Variants in MAP4K5 observed in about 807,000 individuals in gnomAD.
MAP4K5 encodes the protein mitogen-activated protein kinase kinase kinase kinase 5, also known as MAPK/ERK kinase kinase kinase 5.
In MAP4K5, 82 loss-of-function variants were observed where a neutral mutation model predicts 135.6. The observed-to-expected ratio is 0.60, with a 90% CI of 0.51 to 0.73. The LOEUF (loss-of-function observed/expected upper bound fraction) is 0.73, where lower values mean the gene tolerates loss of function less well. Among genes scored for constraint, MAP4K5 ranks in the 30% least tolerant of loss-of-function variants. The pLI is 0.00. For missense variants in MAP4K5, 907 were observed against 1,010.9 expected (o/e 0.90, Z 1.39); for synonymous variants, 347 against 335.0 (o/e 1.04, Z -0.39).
chr14:50,464,182 C>A, intron 11 of MAP4K5, 49 bp from the exon 12 acceptor site: 1 of 892,212 alleles, frequency 1.1e-6, no homozygotes, highest in South Asian at 1.5e-5. Context: ...TATTACGTTT[C>A]GGTGTTAGTA....
chr14:50,560,207 C>G, intron 1 of MAP4K5: 1 of 1,605,294 alleles, frequency 6.2e-7, no homozygotes, highest in Non-Finnish European at 8.5e-7. Context: ...AACCTGCGGC[C>G]CCGGAGAAGG....
At chr14:50,528,307 G>C (rs979969442) in intron 2 of MAP4K5, among the ~76,000 whole-genome samples, 1 of 151,528 alleles carries the variant, frequency 6.6e-6, no homozygotes. Flanking sequence ...AAGCTTCAGA[G>C]GGGATCTGTG....
chr14:50,446,070 G>A lies in MAP4K5; in HGVS notation c.1185+9C>T. The stretch of plus-strand genomic sequence containing the variant: ...AGGATTTAGTGTTCAAAATCATTAA[G>A]TAGCTCACCTTAGGAGGTAGGGGAG... On this transcript the variant is annotated intron_variant, in intron 17 of 32. Transcript: ENST00000682126. 1 of 1,529,844 alleles carries A rather than the reference G, an allele frequency of 6.5e-7. No homozygotes were observed. The highest frequency in any genetic ancestry group is 1.3e-5 in the South Asian group (1 of 76,704). 94.8% of individuals were successfully genotyped at this position (1,529,844 alleles called of 1,614,324 possible).
intron 32 of MAP4K5, among the ~76,000 whole-genome samples, chr14:50,421,795 A>G (rs2035738996): frequency 6.6e-6 from 1 of 152,032 alleles, no homozygotes; most frequent in Non-Finnish European, 1.5e-5. Flanking sequence ...CAACCCAGAG[A>G]AACGGCCTCT....
chr14:50,449,940 G>A (rs75132774), intron 14 of MAP4K5: 1 of 100,144 alleles, frequency 1.0e-5, no homozygotes, highest in African/African-American at 2.9e-5. Flanking sequence ...TTACTTTTTT[G>A]TTGTTGTTGT....
At chr14:50,451,578 T>A (rs2036486247) in intron 14 of MAP4K5, among the ~76,000 whole-genome samples, 1 of 152,044 alleles carries the variant, frequency 6.6e-6, no homozygotes. Flanking sequence ...TATCTTTTTT[T>A]AAAAACTGAG....
intron 23 of MAP4K5, 88 bp downstream of exon 23, chr14:50,439,925 G>T: frequency 8.1e-7 from 1 of 1,238,506 alleles, no homozygotes; most frequent in Non-Finnish European, 1.1e-6. Flanking sequence ...TAGTCATCCA[G>T]AATTACAAAT....
At chr14:50,423,737 C>A (rs1228471853) in intron 31 of MAP4K5, among the ~76,000 whole-genome samples, 2 of 152,120 alleles carry the variant, frequency 1.3e-5, no homozygotes, top group African/African-American at 2.4e-5. Context: ...CCACTGCATT[C>A]CAGCTTGGGC....
At chr14:50,486,265 T>C in intron 3 of MAP4K5, 71 bp from the exon 4 acceptor site, 1 of 586,554 alleles carries the variant, frequency 1.7e-6, no homozygotes. Flanking sequence ...AAGGAAAACT[T>C]TACAATAAAT....
chr14:50,452,407 G>A (rs1452982591), intron 14 of MAP4K5, among the ~76,000 whole-genome samples: 1 of 152,188 alleles, frequency 6.6e-6, no homozygotes, highest in Non-Finnish European at 1.5e-5. Flanking sequence ...TGAATGACAA[G>A]TGACGGCAGT....
chr14:50,452,137 T>C (rs1352434703), intron 14 of MAP4K5, among the ~76,000 whole-genome samples: 3 of 152,258 alleles, frequency 2.0e-5, no homozygotes, highest in Non-Finnish European at 4.4e-5. Context: ...AGTTATGATG[T>C]TTGGTAGGTT....
intron 2 of MAP4K5, among the ~76,000 whole-genome samples, chr14:50,521,426 C>T (rs931578470): frequency 4.6e-5 from 7 of 152,140 alleles, no homozygotes; most frequent in African/African-American, 1.7e-4. Flanking sequence ...ATGGAAAGAG[C>T]AGAGACTGGA....
chr14:50,490,651 T>C (rs1483870605), intron 3 of MAP4K5, among the ~76,000 whole-genome samples: 1 of 152,166 alleles, frequency 6.6e-6, no homozygotes, highest in Non-Finnish European at 1.5e-5. Context: ...ACTACAATTT[T>C]TAACTGGAGT....
At chr14:50,508,342 A>C (rs1332127850) in intron 2 of MAP4K5, among the ~76,000 whole-genome samples, 1 of 152,176 alleles carries the variant, frequency 6.6e-6, no homozygotes, top group Non-Finnish European at 1.5e-5. Flanking sequence ...GATAGACTGG[A>C]CTAAGAAAAT....
chr14:50,526,152 T>C (rs2038258950), intron 2 of MAP4K5, among the ~76,000 whole-genome samples: 1 of 152,186 alleles, frequency 6.6e-6, no homozygotes, highest in South Asian at 2.1e-4. Context: ...AAAATCCAGT[T>C]AATGTTCCTT....
At chr14:50,453,050 C>T (rs138233256) in intron 14 of MAP4K5, among the ~76,000 whole-genome samples, 1 of 152,228 alleles carries the variant, frequency 6.6e-6, no homozygotes, top group Non-Finnish European at 1.5e-5. Context: ...TGTAGAGTCC[C>T]TATTCTTACT....
intron 18 of MAP4K5, 135 bp downstream of exon 18, chr14:50,444,906 G>A: frequency 1.1e-6 from 1 of 939,054 alleles, no homozygotes; most frequent in Non-Finnish European, 1.5e-6. Context: ...GCTATAATAG[G>A]ATTGACTAAA....
In MAP4K5 at chr14:50,557,086, A is replaced by C. The variant is rs367595522; in HGVS notation, c.-180+3954T>G. Among the ~76,000 whole-genome samples the C allele has an allele frequency of 7.2e-5, 11 of 152,294 alleles. No homozygotes were observed. The East Asian group carries it at 7.7e-4, about 11-fold the overall frequency. ...CTAGACTTTTTCCCAAAGTATCTGC[A>C]CCATTTTATATTTCCATCAGCAGTT... On this transcript the variant is annotated intron_variant, in intron 1 of 8. Transcript: ENST00000555216.
intron 27 of MAP4K5, 54 bp from the exon 28 acceptor site, chr14:50,434,625 T>C: frequency 1.4e-6 from 2 of 1,476,196 alleles, no homozygotes; most frequent in Non-Finnish European, 1.8e-6. Flanking sequence ...TCCCCATTCA[T>C]ACCACTGTTG....
Sources: gnomAD v4.1 joint callset for allele counts (sites outside exome capture counted in the v4.1 genomes callset) on GRCh38, gnomAD v4.1.1 for gene constraint, MANE v1.5 for transcripts, NCBI Gene and HGNC (gene_info 2026-07-23, HGNC 2026-07-21) for gene names.